Variants in NOS3 observed in about 807,000 individuals in gnomAD.
NOS3 encodes the protein NOS type III.
In NOS3, 98 loss-of-function variants were observed where a neutral mutation model predicts 144.9. That is an observed-to-expected ratio of 0.68 (90% CI 0.57 to 0.80). NOS3 has a LOEUF of 0.80. Ranked by LOEUF, NOS3 falls within the 30% of genes least tolerant of loss-of-function variation. NOS3 has a pLI of 0.00. For missense variants in NOS3, 1,465 were observed against 1,656.4 expected (o/e 0.88, Z 2.01); for synonymous variants, 714 against 702.4 (o/e 1.02, Z -0.26).
chr7:151,004,131 G>A (rs1276504967), intron 14 of NOS3, among the ~76,000 whole-genome samples: 1 of 152,198 alleles, frequency 6.6e-6, no homozygotes, highest in African/African-American at 2.4e-5. Context: ...GAGGTCAGAA[G>A]CTCAAGACCA....
intron 9 of NOS3, among the ~76,000 whole-genome samples, 198 bp downstream of exon 9, chr7:150,999,562 G>T (rs1361834086): frequency 6.6e-6 from 1 of 151,866 alleles, no homozygotes; most frequent in African/African-American, 2.4e-5. Context: ...GTGGGGGTGT[G>T]AGTGGGTGAG....
At position 151,008,975 on chromosome 7, in the gene NOS3, G is replaced by A; in HGVS notation, c.2158G>A (p.Ala720Thr). 1 of 1,610,988 alleles carries A rather than the reference G, an allele frequency of 6.2e-7. No homozygotes were observed. Among genetic ancestry groups the A allele is most frequent in the East Asian group, 2.2e-5 (1 of 44,822 alleles). Reference sequence around the variant, plus strand: ...TGTGGGAGAGGATGCCAAGGCCGCCGCCCGAGACATCTTCAGCCCCAAACG... The same window carrying A: ...TGTGGGAGAGGATGCCAAGGCCGCCACCCGAGACATCTTCAGCCCCAAACG... ...FCVGEDAKAA[A>T]RDIFSPKRSW... The change falls in exon 18 of 27, where the codon GCC (alanine) becomes ACC (threonine). Residue 720 changes from alanine (A) to threonine (T), a missense_variant. By Grantham distance (58) the Ala-to-Thr change is moderately conservative. Transcript: ENST00000297494.
chr7:151,007,082 T>A lies in NOS3; in HGVS notation c.1938-20T>A. 1.2e-6 allele frequency: 2 copies of A among 1,614,102 alleles called. No homozygotes were observed. The highest frequency in any genetic ancestry group is 1.7e-6 in the Non-Finnish European group (2 of 1,180,026). On this transcript the variant is annotated intron_variant, in intron 16 of 26. Transcript: ENST00000297494. Reference sequence around the variant, plus strand: ...ACGTGGCCTGCAAAGGGAGCTCCACTGACGACCCCTGCACCCCAGGTTCTG... The same window carrying A: ...ACGTGGCCTGCAAAGGGAGCTCCACAGACGACCCCTGCACCCCAGGTTCTG...
rs13305985 is a variant in NOS3 at position 151,002,066 on chromosome 7, A to T, written c.1647+101A>T. ...CAGGAAGTGTTACAAGTCAGGACTC[A>T]TGAGGAACCCGGAACCACAGGTGTT... On this transcript the variant is annotated intron_variant, in intron 13 of 26. Coordinates refer to ENST00000297494, the MANE Select transcript of NOS3 (RefSeq NM_000603.5). This position sits in a 1 kb window ranked among gnomAD's most constrained non-coding sequence, Gnocchi z 4.1. The T allele has an allele frequency of 2.2e-4, 330 of 1,510,304 alleles. No individual in the cohort carries two copies. The highest frequency in any genetic ancestry group is 2.8e-4 in the Non-Finnish European group (305 of 1,101,694). 93.6% of individuals were successfully genotyped at this position (1,510,304 alleles called of 1,614,324 possible). A position where few individuals can be genotyped will look rare whatever the true frequency, so the allele number is the denominator to read the frequency against.
In NOS3 at chr7:151,014,029, G is replaced by A. The variant is rs1795381248; in HGVS notation, c.3472G>A (p.Asp1158Asn). The A allele has an allele frequency of 1.9e-6, 3 of 1,613,206 alleles. No homozygotes were observed. Among genetic ancestry groups the A allele is most frequent in the Non-Finnish European group, 2.5e-6 (3 of 1,179,458 alleles). Residue 1158 changes from aspartate to asparagine, a missense_variant, in exon 27 of 27, where the codon GAC becomes AAC. By Grantham distance (23) the Asp-to-Asn change is conservative. Coordinates refer to ENST00000297494, the MANE Select transcript of NOS3 (RefSeq NM_000603.5). ...ACAGGATCAGCAACGCTACCACGAAGACATTTTCGGGCTCACGCTGCGCAC... is the reference window on the plus strand; with the variant it reads ...ACAGGATCAGCAACGCTACCACGAAAACATTTTCGGGCTCACGCTGCGCAC... ...VLRDQQRYHEDIFGLTLRTQE... is the reference protein window; with the variant it reads ...VLRDQQRYHENIFGLTLRTQE...
In NOS3 at chr7:151,009,482, G is replaced by A. The variant is rs746131743; in HGVS notation, c.2409G>A (p.Pro803=). 17 of 1,548,126 alleles carry A rather than the reference G, an allele frequency of 1.1e-5. No individual in the cohort carries two copies. Among genetic ancestry groups the A allele is most frequent in the Admixed American group, 9.8e-5 (5 of 50,968 alleles). Residue 803 remains proline (P), a synonymous_variant, in exon 20 of 27, where the codon CCG becomes CCA. Coordinates refer to ENST00000297494, the MANE Select transcript of NOS3 (RefSeq NM_000603.5). ...CGGGGGACCACATAGGTGTCTGCCCGCCCAACCGGCCCGGCCTTGTGGAGG... is the reference window on the plus strand; with the variant it reads ...CGGGGGACCACATAGGTGTCTGCCCACCCAACCGGCCCGGCCTTGTGGAGG... The part of the protein sequence containing the change: ...YQPGDHIGVC[P]PNRPGLVEAL...
At chr7:151,010,530 G>T in intron 21 of NOS3, 67 bp from the exon 22 acceptor site, 1 of 1,418,226 alleles carries the variant, frequency 7.1e-7, no homozygotes, top group Non-Finnish European at 9.5e-7. Flanking sequence ...AGTGGGGGAG[G>T]GGTCAAGAAG....
intron 9 of NOS3, among the ~76,000 whole-genome samples, chr7:151,000,243 G>C (rs780926515): frequency 6.6e-6 from 1 of 151,868 alleles, no homozygotes. Flanking sequence ...ACCTTGACTC[G>C]GCAAAGGTTA....
At chr7:151,009,294 C>T (rs749242080) in intron 19 of NOS3, 27 bp downstream of exon 19, 1 of 1,585,246 alleles carries the variant, frequency 6.3e-7, no homozygotes, top group Non-Finnish European at 8.6e-7. Flanking sequence ...TACCGCCCCC[C>T]CACCCCTGTC....
At chr7:151,011,943 G>A in intron 23 of NOS3, 1 of 316,806 alleles carries the variant, frequency 3.2e-6, no homozygotes, top group Non-Finnish European at 6.4e-6. Flanking sequence ...GCTGCCATCA[G>A]CTGGGCCTGG....
At chr7:150,995,385 C>G (rs943054845) in intron 3 of NOS3, 71 bp downstream of exon 3, 2 of 999,766 alleles carry the variant, frequency 2.0e-6, no homozygotes, top group Non-Finnish European at 3.1e-6. Flanking sequence ...CAGATGGGGC[C>G]GGAGAGGGAA....
rs2117128052 is a variant in NOS3 at position 151,006,952 on chromosome 7, G to A, written c.1884G>A (p.Arg628=). 6.2e-7 allele frequency: 1 copy of A among 1,614,158 alleles called. No individual in the cohort carries two copies. The highest frequency in any genetic ancestry group is 8.5e-7 in the Non-Finnish European group (1 of 1,180,022). Residue 628 remains arginine, a synonymous_variant, in exon 16 of 27, where the codon CGG becomes CGA. Coordinates refer to ENST00000297494, the MANE Select transcript of NOS3 (RefSeq NM_000603.5). The part of the protein sequence containing the change: ...CSDPLVSSWR[R]KRKESSNTDS... ...ACCCACTGGTGTCCTCTTGGCGGCG[G>A]AAGAGGAAGGAGTCCAGTAACACAG...
At position 150,993,383 on chromosome 7, in the gene NOS3, C is replaced by T. The variant is rs1336368716; in HGVS notation, c.-51-370C>T. On this transcript the variant is annotated intron_variant, in intron 1 of 26. Transcript: ENST00000297494. The surrounding 1 kb of genome is among the most constrained non-coding windows in gnomAD (Gnocchi z 4.0). The stretch of plus-strand genomic sequence containing the variant: ...TACAGAAACGGTGCTCACCTTCTGC[C>T]CAACCCTCCAGGGAAAGGCACACAG... Among the ~76,000 whole-genome samples the T allele has an allele frequency of 6.6e-6, 1 of 152,174 alleles. No homozygotes were observed. Among genetic ancestry groups the T allele is most frequent in the Non-Finnish European group, 1.5e-5 (1 of 68,018 alleles).
At chr7:151,006,682 C>G (rs1795210838) in intron 15 of NOS3, among the ~76,000 whole-genome samples, 188 bp downstream of exon 15, 1 of 152,264 alleles carries the variant, frequency 6.6e-6, no homozygotes. Flanking sequence ...AGAGCCGGGA[C>G]AGTCCTGAGG....
In NOS3 at chr7:150,993,465, C is replaced by A. The variant is rs1005176525; in HGVS notation, c.-51-288C>A. 6.6e-6 allele frequency among the ~76,000 whole-genome samples: 1 copy of A among 152,168 alleles called. No homozygotes were observed. Among genetic ancestry groups the A allele is most frequent in the South Asian group, 2.1e-4 (1 of 4,834 alleles). On this transcript the variant is annotated intron_variant, in intron 1 of 26. Transcript: ENST00000297494. This position sits in a 1 kb window ranked among gnomAD's most constrained non-coding sequence, Gnocchi z 4.0. ...CACATCACAGAAGGACCTTTATGAC[C>A]CCCTGGTGGCTCTACCCTGCCACTC...
chr7:150,996,439 C>G lies in NOS3; in HGVS notation c.306C>G (p.Ser102=), dbSNP rs1802425126. 5 of 1,559,412 alleles carry G rather than the reference C, an allele frequency of 3.2e-6. No individual in the cohort carries two copies. The highest frequency in any genetic ancestry group is 4.3e-6 in the Non-Finnish European group (5 of 1,154,758). Residue 102 remains serine, a synonymous_variant, in exon 4 of 27, where the codon TCC becomes TCG. Coordinates refer to ENST00000297494, the MANE Select transcript of NOS3 (RefSeq NM_000603.5). ...GPCTPRRCLG[S]LVFPRKLQGR... is the part of the protein sequence containing the mutation. ...GCACCCCAAGACGCTGCCTGGGCTC[C>G]CTGGTATTTCCACGGAAACTACAGG...
intron 23 of NOS3, 161 bp from the exon 24 acceptor site, chr7:151,012,190 G>A (rs1795318316): frequency 1.7e-6 from 1 of 595,800 alleles, no homozygotes; most frequent in Non-Finnish European, 2.9e-6. Flanking sequence ...ACAGATCCAA[G>A]GAGTTTCAGC....
At chr7:151,004,280 G>A (rs765073990) in intron 14 of NOS3, among the ~76,000 whole-genome samples, 3 of 152,176 alleles carry the variant, frequency 2.0e-5, no homozygotes, top group Non-Finnish European at 2.9e-5. Context: ...AGGTTGCAGT[G>A]AGCCGAGATC....
rs1464873931 is a variant in NOS3, at chr7:151,002,987, G to C, written c.1752+683G>C. 3 of 276,292 alleles carry C rather than the reference G, an allele frequency of 1.1e-5. No homozygotes were observed. Among genetic ancestry groups the C allele is most frequent in the Middle Eastern group, 1.3e-3 (1 of 784 alleles). 17.1% of individuals were successfully genotyped at this position (276,292 alleles called of 1,614,324 possible). On this transcript the variant is annotated intron_variant, in intron 14 of 26. Coordinates refer to ENST00000297494, the MANE Select transcript of NOS3 (RefSeq NM_000603.5). The surrounding 1 kb of genome is among the most constrained non-coding windows in gnomAD (Gnocchi z 4.1). ...CTTTTTAAAAAGAAACACAAAGCTA[G>C]AGTACCATCATTGAATTCCTTCTCT... is the stretch of plus-strand genomic sequence containing the variant.
Sources: gnomAD v4.1 joint callset for allele counts (sites outside exome capture counted in the v4.1 genomes callset) on GRCh38, gnomAD v4.1.1 for gene constraint, Gnocchi (gnomAD v3.1) non-coding constraint, MANE v1.5 for transcripts, NCBI Gene and HGNC (gene_info 2026-07-23, HGNC 2026-07-21) for gene names.